Variants in DDOST observed in about 807,000 individuals in gnomAD.
DDOST encodes dolichyl-diphosphooligosaccharide--protein glycosyltransferase non-catalytic subunit, also known as dolichyl-diphosphooligosaccharide--protein glycosyltransferase 48 kDa subunit.
A neutral mutation model predicts 47.6 loss-of-function variants in DDOST; 25 were observed. The observed-to-expected ratio is 0.53, with a 90% CI of 0.38 to 0.73. The LOEUF (loss-of-function observed/expected upper bound fraction) is 0.73, where lower values mean the gene tolerates loss of function less well. Among genes scored for constraint, DDOST ranks in the 30% least tolerant of loss-of-function variants. DDOST has a pLI of 0.00. For missense variants in DDOST, 526 were observed against 573.9 expected (o/e 0.92, Z 0.85); for synonymous variants, 275 against 236.0 (o/e 1.17, Z -1.51).
Position 20,661,000 on chromosome 1 carries a change from G to A in DDOST, c.155-9C>T, listed in dbSNP as rs755547426. On this transcript the variant is annotated splice_polypyrimidine_tract_variant and intron_variant, in intron 1 of 10. Coordinates refer to ENST00000602624, the MANE Select transcript of DDOST (RefSeq NM_005216.5). The stretch of plus-strand genomic sequence containing the variant: ...GAGCTCAAAGCCCCGGTCTGGACAA[G>A]AAAAAACAGGTAGTTGAGGAAGACG... 3.8e-6 allele frequency: 6 copies of A among 1,597,776 alleles called. No individual in the cohort carries two copies. Among genetic ancestry groups the A allele is most frequent in the South Asian group, 3.3e-5 (3 of 90,614 alleles).
In DDOST at chr1:20,652,863, G is replaced by A. The variant is rs2053311755; in HGVS notation, c.1051C>T (p.Leu351=). 1 of 1,614,192 alleles carries A rather than the reference G, an allele frequency of 6.2e-7. No homozygotes were observed. The highest frequency in any genetic ancestry group is 8.5e-7 in the Non-Finnish European group (1 of 1,180,036). ...GAACTACACTCACCTTTCTTCTTCA[G>A]GAAGGTCCTCACAAAAGGATCAATG... ...VRIDPFVRTF[L]KKKGGKYSVQ... is the part of the protein sequence containing the mutation. Residue 351 remains leucine, a synonymous_variant, in exon 9 of 11, where the codon CTG becomes TTG. Transcript: ENST00000602624.
At position 20,656,103 on chromosome 1, in the gene DDOST, A is replaced by G. The variant is rs1284386434; in HGVS notation, c.350T>C (p.Ile117Thr). ...GSVLVAASSD[I>T]GDPLRELGSE... The stretch of plus-strand genomic sequence containing the variant: ...AGAACCTCCCAGGTCGGACTCACCA[A>G]TGTCGGAGCTGGCAGCTACCAGCAC... The change falls in exon 3 of 11, where the codon ATT becomes ACT. Residue 117 changes from isoleucine (I) to threonine (T), a missense_variant and splice_region_variant. Physicochemically the swap from Ile to Thr is moderately conservative, Grantham distance 89. Transcript: ENST00000602624. 8 of 1,613,276 alleles carry G rather than the reference A, an allele frequency of 5.0e-6. No homozygotes were observed. Among genetic ancestry groups the G allele is most frequent in the East Asian group, 4.5e-5 (2 of 44,900 alleles).
chr1:20,654,133 T>C, intron 7 of DDOST, 90 bp downstream of exon 7: 3 of 1,444,868 alleles, frequency 2.1e-6, no homozygotes, highest in South Asian at 2.6e-5. Flanking sequence ...CACTTTTAGC[T>C]AAAAGCCTCC....
intron 2 of DDOST, among the ~76,000 whole-genome samples, chr1:20,656,676 C>G (rs1249256809): frequency 2.0e-5 from 3 of 152,228 alleles, no homozygotes; most frequent in Non-Finnish European, 2.9e-5. Context: ...ACTCCCTGGT[C>G]TGGCATTAAT....
rs1557569709 is a variant in DDOST at position 20,651,806 on chromosome 1, T to TTTATTTATTTAG, written c.*572_*573insCTAAATAAATAA. On this transcript the variant is annotated 3_prime_UTR_variant, in exon 11 of 11. Coordinates refer to ENST00000602624, the MANE Select transcript of DDOST (RefSeq NM_005216.5). ...AGGGCAACATCTCGCTTTATTTTTA[T>TTTATTTATTTAG]TTATTTATTTATTTATTTATTTATT... 1 of 27,656 alleles carries TTTATTTATTTAG rather than the reference T, an allele frequency of 3.6e-5. No homozygotes were observed. The highest frequency in any genetic ancestry group is 1.3e-4 in the African/African-American group (1 of 7,572). The allele number at this position is 27,656 out of a possible 1,614,324, so 1.7% of individuals were successfully genotyped here. A position where few individuals can be genotyped will look rare whatever the true frequency, so the allele number is the denominator to read the frequency against.
intron 3 of DDOST, 102 bp downstream of exon 3, chr1:20,655,999 T>C: frequency 1.9e-6 from 2 of 1,050,868 alleles, no homozygotes; most frequent in Non-Finnish European, 2.9e-6. Flanking sequence ...ACTCCCCAGC[T>C]AAGGCCCACC....
chr1:20,653,501 G>T, intron 8 of DDOST, 126 bp downstream of exon 8: 6 of 986,446 alleles, frequency 6.1e-6, no homozygotes, highest in African/African-American at 3.3e-5. Context: ...TTAGGTGTAG[G>T]GATTAACTTA....
In DDOST at chr1:20,655,151, C is replaced by T. The variant is rs531433441; in HGVS notation, c.551+289G>A. ...CTGGGATTACAGGTGTGAGCCACTG[C>T]GCTCGGCCAACTTTTTTTTGTTTTT... On this transcript the variant is annotated intron_variant, in intron 5 of 10. Coordinates refer to ENST00000602624, the MANE Select transcript of DDOST (RefSeq NM_005216.5). Among the ~76,000 whole-genome samples the T allele has an allele frequency of 1.1e-3, 156 of 148,052 alleles. 2 individuals are homozygous for T. Among genetic ancestry groups the T allele is most frequent in the South Asian group, 4.8e-3 (22 of 4,600 alleles).
In DDOST at chr1:20,655,439, C is replaced by A. The variant is rs754573232; in HGVS notation, c.551+1G>T. 1 of 1,612,230 alleles carries A rather than the reference C, an allele frequency of 6.2e-7. No homozygotes were observed. Among genetic ancestry groups the A allele is most frequent in the Non-Finnish European group, 8.5e-7 (1 of 1,178,510 alleles). The stretch of plus-strand genomic sequence containing the variant: ...TGTCCTCTCCCTGCTCACTCACTCA[C>A]CCAACACCTCGAAAGAGGATGGGAT... On this transcript the variant is annotated splice_donor_variant, in intron 5 of 10. Transcript: ENST00000602624. LOFTEE classifies it high-confidence loss of function.
In DDOST at chr1:20,652,165, G is replaced by GA; in HGVS notation, c.*213dup. On this transcript the variant is annotated 3_prime_UTR_variant, in exon 11 of 11. Coordinates refer to ENST00000602624, the MANE Select transcript of DDOST (RefSeq NM_005216.5). ...AAATGAGAGGAGTGACTGCACATAG[G>GA]AAAAATGCCACTTTTAGCAATTCAA... The GA allele has an allele frequency of 2.0e-6, 1 of 489,150 alleles. No homozygotes were observed. The highest frequency in any genetic ancestry group is 3.6e-5 in the East Asian group (1 of 27,548). The allele number at this position is 489,150 out of a possible 1,614,324, so 30.3% of individuals were successfully genotyped here.
intron 5 of DDOST, 80 bp from the exon 6 acceptor site, chr1:20,654,787 C>G (rs2053349682): frequency 1.1e-6 from 1 of 898,170 alleles, no homozygotes; most frequent in Non-Finnish European, 1.8e-6. Context: ...GCCAGTTCTT[C>G]CCAGGAATGA....
chr1:20,658,944 C>T (rs1281164238), intron 2 of DDOST, among the ~76,000 whole-genome samples: 1 of 150,614 alleles, frequency 6.6e-6, no homozygotes, highest in African/African-American at 2.5e-5. Context: ...GCAGCCTTGA[C>T]CACCGAGGGT....
intron 5 of DDOST, among the ~76,000 whole-genome samples, chr1:20,655,186 T>TTG (rs1553147576): frequency 6.1e-5 from 9 of 148,724 alleles, no homozygotes; most frequent in African/African-American, 1.7e-4. Flanking sequence ...TTTTTTTTTT[T>TTG]TTTTTTTTTA....
intron 9 of DDOST, 26 bp from the exon 10 acceptor site, chr1:20,652,753 C>A: frequency 1.2e-6 from 2 of 1,613,844 alleles, no homozygotes; most frequent in South Asian, 2.2e-5. Context: ...CAAGAATAAC[C>A]GGGAGGGGTT....
At chr1:20,661,035 G>T in intron 1 of DDOST, 44 bp from the exon 2 acceptor site, 1 of 1,526,110 alleles carries the variant, frequency 6.6e-7, no homozygotes, top group South Asian at 1.1e-5. Flanking sequence ...GGGACGCGAA[G>T]GGAAACCCCT....
rs2154534275 is a variant in DDOST at position 20,655,451 on chromosome 1, A to G, written c.540T>C (p.Phe180=). 3 of 1,613,484 alleles carry G rather than the reference A, an allele frequency of 1.9e-6. No individual in the cohort carries two copies. The highest frequency in any genetic ancestry group is 2.5e-6 in the Non-Finnish European group (3 of 1,179,600). The change falls in exon 5 of 11, where the codon TTT becomes TTC. Residue 180 remains phenylalanine, a synonymous_variant. Transcript: ENST00000602624. ...GCTCACTCACTCACCCAACACCTCGAAAGAGGATGGGATTTAGAGATGATT... is the reference window on the plus strand; with the variant it reads ...GCTCACTCACTCACCCAACACCTCGGAAGAGGATGGGATTTAGAGATGATT... The part of the protein sequence containing the change: ...VGKSSLNPIL[F]RGVGMVADPD...
At chr1:20,660,450 T>G (rs559038786) in intron 2 of DDOST, 1 of 155,346 alleles carries the variant, frequency 6.4e-6, no homozygotes, top group South Asian at 1.9e-4. Context: ...TAAGGCTCTT[T>G]TTTCAGCCCG....
intron 2 of DDOST, among the ~76,000 whole-genome samples, chr1:20,657,537 T>C (rs1314779245): frequency 2.0e-5 from 3 of 152,132 alleles, no homozygotes; most frequent in Non-Finnish European, 4.4e-5. Context: ...CAGGGCCTGC[T>C]GATGCTTCGA....
In DDOST at chr1:20,655,512, G is replaced by C; in HGVS notation, c.479C>G (p.Thr160Ser). 2 of 1,614,096 alleles carry C rather than the reference G, an allele frequency of 1.2e-6. No individual in the cohort carries two copies. The highest frequency in any genetic ancestry group is 4.5e-5 in the East Asian group (2 of 44,880). ...LGQHTLIVADTENLLKAPTIV... is the reference protein window; with the variant it reads ...LGQHTLIVADSENLLKAPTIV... ...GGTTGGGGCCTTCAGCAGGTTCTCAGTGTCAGCCACGATGAGCGTATGCTG... is the reference window on the plus strand; with the variant it reads ...GGTTGGGGCCTTCAGCAGGTTCTCACTGTCAGCCACGATGAGCGTATGCTG... Residue 160 changes from threonine to serine, a missense_variant, in exon 5 of 11, where the codon ACT becomes AGT. Physicochemically the swap from Thr to Ser is moderately conservative, Grantham distance 58. Transcript: ENST00000602624.
Sources: gnomAD v4.1 joint callset for allele counts (sites outside exome capture counted in the v4.1 genomes callset) on GRCh38, gnomAD v4.1.1 for gene constraint, MANE v1.5 for transcripts, NCBI Gene and HGNC (gene_info 2026-07-23, HGNC 2026-07-21) for gene names.